Variants in WDR70 observed in about 807,000 individuals in gnomAD.
The protein encoded by WDR70 is WD repeat-containing protein 70.
Under a neutral mutation model 88.6 loss-of-function variants are expected in WDR70, and 53 were observed. That is an observed-to-expected ratio of 0.60 (90% CI 0.48 to 0.75). WDR70 has a LOEUF of 0.75. WDR70 is among the 30% of genes least tolerant of loss of function. The pLI is 0.00. For missense variants in WDR70, 610 were observed against 823.2 expected (o/e 0.74, Z 3.17); for synonymous variants, 280 against 270.0 (o/e 1.04, Z -0.36).
intron 8 of WDR70, among the ~76,000 whole-genome samples, chr5:37,494,190 T>C (rs1274858787): frequency 6.6e-6 from 1 of 152,192 alleles, no homozygotes; most frequent in African/African-American, 2.4e-5. Flanking sequence ...AAGTGGTAGC[T>C]TTAGATAGGA....
At chr5:37,447,087 A>T (rs185156986) in intron 7 of WDR70, among the ~76,000 whole-genome samples, 4 of 152,298 alleles carry the variant, frequency 2.6e-5, no homozygotes, top group African/African-American at 9.6e-5. Context: ...CTCTTAACAA[A>T]TTTACAAGAA....
intron 7 of WDR70, among the ~76,000 whole-genome samples, chr5:37,475,675 C>A (rs1739459045): frequency 6.6e-6 from 1 of 152,078 alleles, no homozygotes; most frequent in African/African-American, 2.4e-5. Flanking sequence ...CTTTTTTATG[C>A]AGAAGTTTTC....
intron 7 of WDR70, among the ~76,000 whole-genome samples, chr5:37,453,398 GGCT>G (rs1738734928): frequency 1.3e-5 from 2 of 152,230 alleles, no homozygotes; most frequent in African/African-American, 4.8e-5. Context: ...CGAAGGGATG[GGCT>G]GAAATAAAGG....
At chr5:37,679,949 T>G (rs1295898382) in intron 10 of WDR70, among the ~76,000 whole-genome samples, 1 of 152,158 alleles carries the variant, frequency 6.6e-6, no homozygotes, top group East Asian at 1.9e-4. Context: ...CGGGCGCCCC[T>G]CCCCCAGCCT....
intron 10 of WDR70, among the ~76,000 whole-genome samples, chr5:37,688,643 C>G (rs1168946437): frequency 2.0e-5 from 3 of 151,530 alleles, no homozygotes; most frequent in Non-Finnish European, 2.9e-5. Context: ...TTCGTTTGTC[C>G]TAGGAACAGA....
intron 11 of WDR70, 80 bp downstream of exon 11, chr5:37,697,834 T>G: frequency 8.2e-7 from 1 of 1,224,802 alleles, no homozygotes; most frequent in Non-Finnish European, 1.2e-6. Context: ...AATATCCTAG[T>G]GCTTAGTAAA....
At chr5:37,654,906 G>A (rs1745507119) in intron 10 of WDR70, among the ~76,000 whole-genome samples, 1 of 152,122 alleles carries the variant, frequency 6.6e-6, no homozygotes, top group South Asian at 2.1e-4. Context: ...TATCCAATTT[G>A]CCAGTCTGTG....
intron 10 of WDR70, among the ~76,000 whole-genome samples, chr5:37,613,756 A>G (rs1183236883): frequency 6.7e-6 from 1 of 150,010 alleles, no homozygotes; most frequent in Non-Finnish European, 1.5e-5. Flanking sequence ...GTAATATTTT[A>G]TTTAATCCAC....
intron 4 of WDR70, among the ~76,000 whole-genome samples, chr5:37,395,256 T>C (rs1052329553): frequency 3.3e-5 from 5 of 152,166 alleles, no homozygotes; most frequent in Non-Finnish European, 5.9e-5. Context: ...GAGTGTATAA[T>C]AGTCCTCAGG....
At chr5:37,624,866 G>A (rs1744621355) in intron 10 of WDR70, among the ~76,000 whole-genome samples, 1 of 152,108 alleles carries the variant, frequency 6.6e-6, no homozygotes, top group African/African-American at 2.4e-5. Context: ...TTCCTTCCGG[G>A]TATGGGACAA....
chr5:37,402,043 G>A (rs1000491833), intron 5 of WDR70, among the ~76,000 whole-genome samples: 1 of 152,114 alleles, frequency 6.6e-6, no homozygotes, highest in African/African-American at 2.4e-5. Context: ...CTGTCTAGCT[G>A]TAATTTTGTA....
At chr5:37,701,903 A>G (rs2112659823) in intron 12 of WDR70, among the ~76,000 whole-genome samples, 1 of 152,280 alleles carries the variant, frequency 6.6e-6, no homozygotes, top group South Asian at 2.1e-4. Flanking sequence ...TCAATAATTC[A>G]GCATCCTTCA....
chr5:37,533,409 T>C (rs2112311009), intron 9 of WDR70, among the ~76,000 whole-genome samples: 1 of 152,174 alleles, frequency 6.6e-6, no homozygotes, highest in Middle Eastern at 3.4e-3. Context: ...CTGACCAACA[T>C]GGTGAATCCC....
intron 10 of WDR70, among the ~76,000 whole-genome samples, chr5:37,647,063 C>A (rs1745260187): frequency 6.6e-6 from 1 of 151,846 alleles, no homozygotes; most frequent in Admixed American, 6.6e-5. Context: ...TTTTTTATTC[C>A]TTTTTTTCCT....
chr5:37,675,103 G>A (rs933739230), intron 10 of WDR70, among the ~76,000 whole-genome samples: 1 of 152,128 alleles, frequency 6.6e-6, no homozygotes, highest in Non-Finnish European at 1.5e-5. Flanking sequence ...TTGTAAATTT[G>A]TTTGAGTTCA....
chr5:37,563,073 G>A (rs1459381949), intron 9 of WDR70, among the ~76,000 whole-genome samples: 1 of 66,496 alleles, frequency 1.5e-5, no homozygotes, highest in East Asian at 3.2e-4. Context: ...GGCCGGGCGG[G>A]GGGCTGACCC....
chr5:37,602,013 G>T (rs1343041711), intron 9 of WDR70, among the ~76,000 whole-genome samples: 1 of 131,774 alleles, frequency 7.6e-6, no homozygotes, highest in East Asian at 2.3e-4. Flanking sequence ...AGTGGGAGTG[G>T]AACAATGAGA....
At chr5:37,727,147 T>C (rs1390990569) in intron 17 of WDR70, 102 bp downstream of exon 17, 11 of 1,412,054 alleles carry the variant, frequency 7.8e-6, no homozygotes. Context: ...ATTTCTTATT[T>C]CATACTTAGA....
At chr5:37,699,402 T>G (rs67659797) in intron 11 of WDR70, among the ~76,000 whole-genome samples, 1 of 70,774 alleles carries the variant, frequency 1.4e-5, no homozygotes, top group Non-Finnish European at 2.9e-5. Flanking sequence ...TATATATATA[T>G]ACACACACAC....
Sources: gnomAD v4.1 joint callset for allele counts (sites outside exome capture counted in the v4.1 genomes callset) on GRCh38, gnomAD v4.1.1 for gene constraint, MANE v1.5 for transcripts, NCBI Gene and HGNC (gene_info 2026-07-23, HGNC 2026-07-21) for gene names.